The following APOBEC1 variants were observed in gnomAD, a reference collection of about 807,000 sequenced individuals.
APOBEC1 encodes the protein apolipoprotein B mRNA editing enzyme catalytic subunit 1.
A neutral mutation model predicts 26.3 loss-of-function variants in APOBEC1; 22 were observed. That is an observed-to-expected ratio of 0.84 (90% CI 0.60 to 1.19). APOBEC1 has a LOEUF of 1.19. APOBEC1 is among the 50% of genes most tolerant of loss of function. The pLI is 0.00. For synonymous variants in APOBEC1, 77 were observed against 95.3 expected (o/e 0.81, Z 1.12); for missense variants, 253 against 289.0 (o/e 0.88, Z 0.90).
At chr12:7,653,835 A>G (rs1280228703) in intron 2 of APOBEC1, among the ~76,000 whole-genome samples, 2 of 152,236 alleles carry the variant, frequency 1.3e-5, no homozygotes, top group South Asian at 2.1e-4. Flanking sequence ...TAAGAAAGAA[A>G]TTCTACTTGC....
chr12:7,651,919 C>G (rs1337027429), intron 3 of APOBEC1, among the ~76,000 whole-genome samples: 2 of 152,010 alleles, frequency 1.3e-5, no homozygotes, highest in Non-Finnish European at 2.9e-5. Flanking sequence ...CTCCCGGGTT[C>G]ACGCCATTCT....
chr12:7,667,653 G>A (rs1863910692), upstream of APOBEC1, among the ~76,000 whole-genome samples: 3 of 152,060 alleles, frequency 2.0e-5, no homozygotes, highest in African/African-American at 4.8e-5. Context: ...AGTGGCTCGC[G>A]CCTGTAATCC....
rs1306804906 is a variant in APOBEC1, at chr12:7,651,134, A to G, written c.450T>C (p.Tyr150=). The G allele has an allele frequency of 2.0e-5, 32 of 1,610,324 alleles. No individual in the cohort carries two copies. The highest frequency in any genetic ancestry group is 1.9e-5 in the Non-Finnish European group (22 of 1,176,688). Residue 150 remains tyrosine, a synonymous_variant, in exon 4 of 5, where the codon TAT becomes TAC. Transcript: ENST00000229304. ...AGTTGACAAAATTCCTCCAGCAGTG[A>G]TAATACTCTAAGGAAACACAAATCT... ...TIQIMRASEY[Y]HCWRNFVNYP...
At chr12:7,656,682 C>T (rs1051261577) in intron 1 of APOBEC1, among the ~76,000 whole-genome samples, 5 of 152,176 alleles carry the variant, frequency 3.3e-5, no homozygotes, top group Non-Finnish European at 4.4e-5. Context: ...TCAGTTTCCC[C>T]ATTTGTCAAA....
intron 1 of APOBEC1, among the ~76,000 whole-genome samples, chr12:7,656,487 A>T (rs888795414): frequency 5.3e-5 from 8 of 152,224 alleles, no homozygotes; most frequent in Non-Finnish European, 1.0e-4. Flanking sequence ...CACGTCCTCC[A>T]TTCAGACTCT....
At position 7,652,832 on chromosome 12, in the gene APOBEC1, TCTC is replaced by T. The variant is rs1863663769; in HGVS notation, c.45_47del (p.Arg17del). On this transcript the variant is annotated inframe_deletion and splice_region_variant, in exon 3 of 5. Transcript: ENST00000229304. Reference sequence around the variant, plus strand: ...CGTCAAACTCCCAGGGTTCGATTCTTCTCCTGAAATACAAAAAGCAGCCCACAC... The same window carrying T: ...CGTCAAACTCCCAGGGTTCGATTCTTCTGAAATACAAAAAGCAGCCCACAC... 6.4e-7 allele frequency: 1 copy of T among 1,572,868 alleles called. No individual in the cohort carries two copies. The highest frequency in any genetic ancestry group is 1.9e-5 in the Admixed American group (1 of 52,782).
Position 7,662,310 on chromosome 12 carries a change from G to C in APOBEC1, c.16+3547C>G, listed in dbSNP as rs180980573. 1.9e-3 allele frequency among the ~76,000 whole-genome samples: 284 copies of C among 152,136 alleles called. 1 individual carries two copies. Among genetic ancestry groups the C allele is most frequent in the African/African-American group, 6.1e-3 (255 of 41,522 alleles). The stretch of plus-strand genomic sequence containing the variant: ...AATTTAAAAAAAGACGGCCGGGTAC[G>C]GTGGATCATGCCTGTAATCCCAGCA... On this transcript the variant is annotated intron_variant, in intron 1 of 4. Coordinates refer to ENST00000229304, the MANE Select transcript of APOBEC1 (RefSeq NM_001644.5).
rs1337713772 is a variant in APOBEC1, at chr12:7,651,019, T to C, written c.561+4A>G. The C allele has an allele frequency of 1.3e-6, 2 of 1,595,538 alleles. No homozygotes were observed. The highest frequency in any genetic ancestry group is 2.7e-5 in the African/African-American group (2 of 74,588). On this transcript the variant is annotated splice_donor_region_variant and intron_variant, in intron 4 of 4. Transcript: ENST00000229304. ...TCAACATTTGTGTCCCTAAAGTGAC[T>C]TACTAGAATTATGCAGTGCAGCTCC...
chr12:7,652,505 T>C lies in APOBEC1; in HGVS notation c.375A>G (p.Gln125=), dbSNP rs1863656948. The change falls in exon 3 of 5, where the codon CAA becomes CAG. Residue 125 remains glutamine (Q), a synonymous_variant. Transcript: ENST00000229304. ...YVARLFWHMD[Q]QNRQGLRDLV... is the part of the protein sequence containing the mutation. ...GGTCCCTGAGACCTTGCCGATTTTGTTGATCCATGTGCCAAAAAAGCCGAG... is the reference window on the plus strand; with the variant it reads ...GGTCCCTGAGACCTTGCCGATTTTGCTGATCCATGTGCCAAAAAAGCCGAG... 1 of 1,614,028 alleles carries C rather than the reference T, an allele frequency of 6.2e-7. No individual in the cohort carries two copies. The highest frequency in any genetic ancestry group is 1.7e-5 in the Admixed American group (1 of 59,990).
At chr12:7,660,656 A>C (rs1195194753) in intron 1 of APOBEC1, among the ~76,000 whole-genome samples, 1 of 143,206 alleles carries the variant, frequency 7.0e-6, no homozygotes, top group African/African-American at 2.6e-5. Context: ...TGAGCCAAGA[A>C]TGTGCCACTG....
intron 4 of APOBEC1, among the ~76,000 whole-genome samples, chr12:7,650,629 T>G (rs1863624282): frequency 6.6e-6 from 1 of 152,186 alleles, no homozygotes; most frequent in South Asian, 2.1e-4. Flanking sequence ...AGAGGGGGTC[T>G]CATTATGTTG....
At chr12:7,666,547 G>C (rs59341376), upstream of APOBEC1, among the ~76,000 whole-genome samples, 1 of 151,636 alleles carries the variant, frequency 6.6e-6, no homozygotes, top group South Asian at 2.1e-4. Flanking sequence ...CACCCGCCTC[G>C]TCCTCCCAAA....
intron 3 of APOBEC1, among the ~76,000 whole-genome samples, chr12:7,651,958 C>T (rs569145258): frequency 4.6e-5 from 7 of 152,090 alleles, no homozygotes; most frequent in Non-Finnish European, 8.8e-5. Context: ...GTAGCTGGGA[C>T]TACAGGCGCC....
rs148148615 is a variant in APOBEC1, at chr12:7,660,852, A to G, written c.16+5005T>C. Reference sequence around the variant, plus strand: ...ACAGAAACAGAAAACCAAATATTGCATGTTCTCACTTATAAGTGGGAGCTA... The same window carrying G: ...ACAGAAACAGAAAACCAAATATTGCGTGTTCTCACTTATAAGTGGGAGCTA... On this transcript the variant is annotated intron_variant, in intron 1 of 4. Coordinates refer to ENST00000229304, the MANE Select transcript of APOBEC1 (RefSeq NM_001644.5). Among the ~76,000 whole-genome samples, 866 of 151,726 alleles carry G rather than the reference A, an allele frequency of 5.7e-3. 10 individuals are homozygous for G. Among genetic ancestry groups the G allele is most frequent in the African/African-American group, 0.02 (810 of 41,358 alleles).
chr12:7,653,694 A>G (rs1434102584), intron 2 of APOBEC1, among the ~76,000 whole-genome samples: 5 of 151,974 alleles, frequency 3.3e-5, no homozygotes, highest in Non-Finnish European at 5.9e-5. Flanking sequence ...CTATTCCTCA[A>G]TGGACTCTAA....
intron 1 of APOBEC1, among the ~76,000 whole-genome samples, chr12:7,663,988 C>T (rs1289478460): frequency 2.0e-5 from 3 of 151,924 alleles, no homozygotes; most frequent in South Asian, 2.1e-4. Flanking sequence ...TCCCAAGTAG[C>T]GGGATTACAG....
At chr12:7,660,228 G>A (rs12397501) in intron 1 of APOBEC1, among the ~76,000 whole-genome samples, 49,691 of 149,864 alleles carry the variant, frequency 0.33, 8,336 homozygotes, top group South Asian at 0.45. Context: ...GCTTGAACCC[G>A]GGAGGCAGAG....
In APOBEC1 at chr12:7,655,077, C is replaced by T. The variant is rs186737578; in HGVS notation, c.17-445G>A. Among the ~76,000 whole-genome samples the T allele has an allele frequency of 2.4e-3, 360 of 152,136 alleles. 2 individuals carry two copies. Among genetic ancestry groups the T allele is most frequent in the African/African-American group, 8.0e-3 (332 of 41,502 alleles). On this transcript the variant is annotated intron_variant, in intron 1 of 4. Coordinates refer to ENST00000229304, the MANE Select transcript of APOBEC1 (RefSeq NM_001644.5). The stretch of plus-strand genomic sequence containing the variant: ...TACAAAAATTAGCCAGGTGTGATTG[C>T]GGGCACCTATAATCCCAGCTACTCG...
chr12:7,655,281 C>T (rs145740570), intron 1 of APOBEC1, among the ~76,000 whole-genome samples: 248 of 152,118 alleles, frequency 1.6e-3, no homozygotes, highest in African/African-American at 5.3e-3. Flanking sequence ...GAGGCTGAGG[C>T]GGGCAGATCA....
Sources: allele counts gnomAD v4.1 joint callset (sites outside exome capture counted in the v4.1 genomes callset), GRCh38; gene constraint gnomAD v4.1.1; transcripts MANE v1.5; gene names NCBI Gene and HGNC (gene_info 2026-07-23, HGNC 2026-07-21).